Variants in KRT6C observed in about 807,000 individuals in gnomAD.
KRT6C encodes the protein keratin 6C.
Under a neutral mutation model 49.4 loss-of-function variants are expected in KRT6C, and 46 were observed. That is an observed-to-expected ratio of 0.93 (90% CI 0.74 to 1.19). The LOEUF (loss-of-function observed/expected upper bound fraction) is 1.19, where lower values mean the gene tolerates loss of function less well. KRT6C is among the 50% of genes most tolerant of loss of function. The pLI, the probability that KRT6C is intolerant of heterozygous loss-of-function variation, is 0.00. For missense variants in KRT6C, 552 were observed against 737.5 expected (o/e 0.75, Z 2.91); for synonymous variants, 236 against 297.1 (o/e 0.79, Z 2.12).
intron 4 of KRT6C, 43 bp from the exon 5 acceptor site, chr12:52,471,339 T>A: frequency 6.2e-7 from 1 of 1,614,136 alleles, no homozygotes; most frequent in East Asian, 2.2e-5. Flanking sequence ...CATCTGACAT[T>A]TACAGAGATA....
chr12:52,468,983 G>T lies in KRT6C; in HGVS notation c.*79C>A, dbSNP rs2567. 5.7e-6 allele frequency: 9 copies of T among 1,591,478 alleles called. No homozygotes were observed. Among genetic ancestry groups the T allele is most frequent in the Non-Finnish European group, 7.7e-6 (9 of 1,162,564 alleles). ...GCAGGGAAGACTAGAGGCCAGGAGA[G>T]GATAGGCAACCTGAGGAGACGGCTC... On this transcript the variant is annotated 3_prime_UTR_variant, in exon 9 of 9. Coordinates refer to ENST00000252250, the MANE Select transcript of KRT6C (RefSeq NM_173086.5).
chr12:52,470,705 C>T (rs1228035724), intron 5 of KRT6C, 75 bp from the exon 6 acceptor site: 8 of 1,612,054 alleles, frequency 5.0e-6, no homozygotes, highest in Admixed American at 1.7e-5. Flanking sequence ...ACTTGTGTAT[C>T]ATGCATGTCA....
chr12:52,470,408 G>A (rs1937854349), intron 6 of KRT6C, 97 bp downstream of exon 6: 1 of 1,604,386 alleles, frequency 6.2e-7, no homozygotes. Flanking sequence ...CCTAGTGTTG[G>A]TTTACGTTTC....
chr12:52,471,766 C>G, intron 2 of KRT6C, 34 bp from the exon 3 acceptor site: 1 of 1,613,596 alleles, frequency 6.2e-7, no homozygotes, highest in Non-Finnish European at 8.5e-7. Flanking sequence ...ACATATGAGC[C>G]AGTGGGTAGG....
Position 52,471,293 on chromosome 12 carries a change from G to A in KRT6C, c.916C>T (p.Leu306=). Residue 306 remains leucine (L), a synonymous_variant, in exon 5 of 9, where the codon CTG becomes TTG. Transcript: ENST00000252250. ...NFLRALYDAE[L]SQMQTHISDT... ...GAGATGTGGGTCTGCATCTGGGACA[G>A]CTCCTGCAGAACAGAAGGTCATAAG... The A allele has an allele frequency of 1.2e-6, 2 of 1,614,236 alleles. No individual in the cohort carries two copies. Among genetic ancestry groups the A allele is most frequent in the Non-Finnish European group, 1.7e-6 (2 of 1,180,040 alleles).
rs781752101 is a variant in KRT6C at position 52,470,050 on chromosome 12, G to T, written c.1204-160C>A. The T allele has an allele frequency of 1.4e-5, 12 of 885,946 alleles. No homozygotes were observed. In the South Asian group the frequency reaches 1.4e-4, roughly 10 times the overall value. The allele number at this position is 885,946 out of a possible 1,614,324, so 54.9% of individuals were successfully genotyped here. A position where few individuals can be genotyped will look rare whatever the true frequency, so the allele number is the denominator to read the frequency against. Reference sequence around the variant, plus strand: ...CCATTTGGCAATATTTGTCTAGTCTGGGAGTCAAGTGACAAAGTCCTATGC... The same window carrying T: ...CCATTTGGCAATATTTGTCTAGTCTTGGAGTCAAGTGACAAAGTCCTATGC... On this transcript the variant is annotated intron_variant, in intron 6 of 8. Coordinates refer to ENST00000252250, the MANE Select transcript of KRT6C (RefSeq NM_173086.5).
chr12:52,469,468 G>T, intron 7 of KRT6C, 23 bp from the exon 8 acceptor site: 1 of 1,613,972 alleles, frequency 6.2e-7, no homozygotes, highest in Non-Finnish European at 8.5e-7. Flanking sequence ...ACACAGGGAG[G>T]GTGAGACCTC....
chr12:52,473,340 C>G lies in KRT6C; in HGVS notation c.398G>C (p.Gly133Ala). Residue 133 changes from glycine (G) to alanine (A), a missense_variant, in exon 1 of 9, where the codon GGA becomes GCA. This residue lies in a region of KRT6C where 54 missense variants were observed against 195.9 expected (regional missense o/e 0.28). Transcript: ENST00000252250. Reference sequence around the variant, plus strand: ...GTTGACGGTGACCTCTTGGATGCCTCCAGGGGGGCACACAGGGAAGCCAGG... The same window carrying G: ...GTTGACGGTGACCTCTTGGATGCCTGCAGGGGGGCACACAGGGAAGCCAGG... Reference protein sequence around the residue: ...GGPGFPVCPPGGIQEVTVNQS... With the variant: ...GGPGFPVCPPAGIQEVTVNQS... The G allele has an allele frequency of 1.4e-6, 2 of 1,428,620 alleles. No homozygotes were observed. Among genetic ancestry groups the G allele is most frequent in the South Asian group, 1.2e-5 (1 of 86,100 alleles). The allele number at this position is 1,428,620 out of a possible 1,614,324, so 88.5% of individuals were successfully genotyped here.
In KRT6C at chr12:52,469,669, C is replaced by G. The variant is rs770081283; in HGVS notation, c.1424+1G>C. 1 of 1,614,078 alleles carries G rather than the reference C, an allele frequency of 6.2e-7. No individual in the cohort carries two copies. Among genetic ancestry groups the G allele is most frequent in the South Asian group, 1.1e-5 (1 of 91,094 alleles). ...TGGAGGAAGTCGCGTCAGTTACCTA[C>G]CTGCACTCCTCGCCCTCCAGCAGCT... On this transcript the variant is annotated splice_donor_variant, in intron 7 of 8. Coordinates refer to ENST00000252250, the MANE Select transcript of KRT6C (RefSeq NM_173086.5). LOFTEE classifies it high-confidence loss of function.
Position 52,471,233 on chromosome 12 carries a change from G to C in KRT6C, c.976C>G (p.Arg326Gly), listed in dbSNP as rs757555228. Reference sequence around the variant, plus strand: ...ATGATGCTGTCCAGGTCCAGGTTGCGGTTGTTGTCCATGGATAGCACCACG... The same window carrying C: ...ATGATGCTGTCCAGGTCCAGGTTGCCGTTGTTGTCCATGGATAGCACCACG... ...TSVVLSMDNN[R>G]NLDLDSIIAE... is the part of the protein sequence containing the mutation. The change falls in exon 5 of 9, where the codon CGC becomes GGC. Residue 326 changes from arginine (R) to glycine (G), a missense_variant. Arg to Gly is a moderately radical substitution (Grantham distance 125, BLOSUM62 -2). This residue lies in a region of KRT6C where 425 missense variants were observed against 439.4 expected (regional missense o/e 0.97). Transcript: ENST00000252250. The C allele has an allele frequency of 1.2e-6, 2 of 1,614,196 alleles. No homozygotes were observed.
intron 5 of KRT6C, 104 bp from the exon 6 acceptor site, chr12:52,470,734 T>G (rs563156027): frequency 6.2e-7 from 1 of 1,611,008 alleles, no homozygotes; most frequent in African/African-American, 1.3e-5. Context: ...ACCTAATGGC[T>G]TCTCCTCAAG....
intron 6 of KRT6C, 44 bp from the exon 7 acceptor site, chr12:52,469,934 C>G: frequency 6.2e-7 from 1 of 1,610,212 alleles, no homozygotes; most frequent in Non-Finnish European, 8.5e-7. Flanking sequence ...TCTGCTCCTC[C>G]GGAGGAGGCT....
chr12:52,471,821 A>AATATATTCT (rs1393379096), intron 2 of KRT6C, 89 bp from the exon 3 acceptor site: 1 of 1,445,440 alleles, frequency 6.9e-7, no homozygotes, highest in African/African-American at 1.4e-5. Flanking sequence ...TCCTGAATGG[A>AATATATTCT]ATATATTCTA....
rs915930554 is a variant in KRT6C, at chr12:52,468,880, A to G, written c.*182T>C. ...TCAAAGGTTGATCTGATGGTGAGCA[A>G]TGGGTGCTCAGATGGGGCAGGTATA... On this transcript the variant is annotated 3_prime_UTR_variant, in exon 9 of 9. Transcript: ENST00000252250. 3 of 677,652 alleles carry G rather than the reference A, an allele frequency of 4.4e-6. No individual in the cohort carries two copies. The highest frequency in any genetic ancestry group is 7.6e-6 in the Non-Finnish European group (3 of 395,932). The allele number at this position is 677,652 out of a possible 1,614,324, so 42.0% of individuals were successfully genotyped here.
intron 6 of KRT6C, 107 bp downstream of exon 6, chr12:52,470,398 C>T: frequency 1.3e-6 from 2 of 1,588,672 alleles, no homozygotes; most frequent in Non-Finnish European, 8.6e-7. Flanking sequence ...TGTTCCTCAC[C>T]CTAGTGTTGG....
In KRT6C at chr12:52,471,258, G is replaced by A. The variant is rs149194468; in HGVS notation, c.951C>T (p.Ser317=). 5.8e-3 allele frequency: 9,386 copies of A among 1,614,044 alleles called. 55 individuals carry two copies. Among genetic ancestry groups the A allele is most frequent in the Middle Eastern group, 0.014 (85 of 6,062 alleles). Residue 317 remains serine (S), a synonymous_variant, in exon 5 of 9, where the codon TCC becomes TCT. Coordinates refer to ENST00000252250, the MANE Select transcript of KRT6C (RefSeq NM_173086.5). The part of the protein sequence containing the change: ...SQMQTHISDT[S]VVLSMDNNRN... The stretch of plus-strand genomic sequence containing the variant: ...GGTTGTTGTCCATGGATAGCACCAC[G>A]GATGTGTCTGAGATGTGGGTCTGCA...
In KRT6C at chr12:52,471,706, G is replaced by T. The variant is rs368019303; in HGVS notation, c.782C>A (p.Thr261Lys). Residue 261 changes from threonine (T) to lysine (K), a missense_variant, in exon 3 of 9, where the codon ACA (threonine) becomes AAA (lysine). Transcript: ENST00000252250. ...NKYEDEINKR[T>K]AAENEFVTLK... Reference sequence around the variant, plus strand: ...AGTCACAAATTCATTCTCTGCTGCTGTGCGCTTGTTGATTTCATCCTCATA... The same window carrying T: ...AGTCACAAATTCATTCTCTGCTGCTTTGCGCTTGTTGATTTCATCCTCATA... The T allele has an allele frequency of 3.2e-5, 52 of 1,613,400 alleles. No homozygotes were observed. Among genetic ancestry groups the T allele is most frequent in the Non-Finnish European group, 4.2e-5 (50 of 1,179,794 alleles).
chr12:52,469,651 A>T lies in KRT6C; in HGVS notation c.1424+19T>A, dbSNP rs570598049. On this transcript the variant is annotated intron_variant, in intron 7 of 8. Transcript: ENST00000252250. ...GAAGATGGACTCAGCTGTTGGAGGA[A>T]GTCGCGTCAGTTACCTACCTGCACT... 6.2e-7 allele frequency: 1 copy of T among 1,614,138 alleles called. No homozygotes were observed. The highest frequency in any genetic ancestry group is 1.1e-5 in the South Asian group (1 of 91,050).
intron 6 of KRT6C, chr12:52,470,142 A>G (rs1329406746): frequency 1.6e-6 from 1 of 618,358 alleles, no homozygotes; most frequent in Middle Eastern, 4.4e-4. Context: ...AATGGACCCA[A>G]AAACAAGCCA....
Sources: allele counts gnomAD v4.1 joint callset, GRCh38; gene constraint gnomAD v4.1.1; regional missense constraint gnomAD v4.1.1; transcripts MANE v1.5; gene names NCBI Gene and HGNC (gene_info 2026-07-23, HGNC 2026-07-21).